TTC28: variants seen among roughly 807,000 people sequenced by gnomAD.
TTC28 encodes tetratricopeptide repeat domain 28.
In TTC28, 61 loss-of-function variants were observed where a neutral mutation model predicts 198.0. That is an observed-to-expected ratio of 0.31 (90% CI 0.25 to 0.38). The LOEUF (loss-of-function observed/expected upper bound fraction) is 0.38. TTC28 is among the 10% of genes least tolerant of loss of function. TTC28 has a pLI of 1.00. For missense variants in TTC28, 2,678 were observed against 3,164.0 expected, an observed-to-expected ratio of 0.85 and a Z score of 3.69; for synonymous variants, 1,171 against 1,297.8, an observed-to-expected ratio of 0.90 and a Z score of 2.10.
intron 2 of TTC28, among the ~76,000 whole-genome samples, chr22:28,378,985 C>T (rs959450887): frequency 6.6e-6 from 1 of 151,710 alleles, no homozygotes; most frequent in African/African-American, 2.4e-5. Context: ...TTTTTAAATA[C>T]ATTAATAAAG....
At chr22:28,305,879 C>T (rs2045134321) in intron 3 of TTC28, among the ~76,000 whole-genome samples, 1 of 152,144 alleles carries the variant, frequency 6.6e-6, no homozygotes, top group Non-Finnish European at 1.5e-5. Context: ...CATTTTCAAT[C>T]CATTCTTTTG....
chr22:28,347,591 G>A (rs745365249), intron 2 of TTC28, among the ~76,000 whole-genome samples: 1 of 152,212 alleles, frequency 6.6e-6, no homozygotes, highest in Non-Finnish European at 1.5e-5. Flanking sequence ...ATAGCACCTG[G>A]CTGAGTGCAG....
At chr22:28,329,857 A>G (rs1334911908) in intron 2 of TTC28, among the ~76,000 whole-genome samples, 2 of 152,200 alleles carry the variant, frequency 1.3e-5, no homozygotes, top group African/African-American at 4.8e-5. Context: ...TTTCTTGCCT[A>G]ACATTTCTTA....
chr22:28,257,062 A>G (rs992875764), intron 5 of TTC28, among the ~76,000 whole-genome samples: 1 of 152,176 alleles, frequency 6.6e-6, no homozygotes, highest in African/African-American at 2.4e-5. Context: ...AAGAAATAAA[A>G]TACAAGAAAA....
chr22:28,149,662 A>C (rs1943559493), intron 6 of TTC28, among the ~76,000 whole-genome samples: 1 of 152,212 alleles, frequency 6.6e-6, no homozygotes, highest in Admixed American at 6.5e-5. Flanking sequence ...GATGGTCTTC[A>C]GGGGCTATAA....
chr22:27,986,561 A>G (rs1363030083), intron 21 of TTC28, among the ~76,000 whole-genome samples: 1 of 152,118 alleles, frequency 6.6e-6, no homozygotes, highest in African/African-American at 2.4e-5. Context: ...TCCCCTGACA[A>G]CACTGCAAAG....
intron 12 of TTC28, among the ~76,000 whole-genome samples, chr22:28,069,332 GA>G (rs1252153875): frequency 1.3e-5 from 2 of 152,136 alleles, no homozygotes. Context: ...ATGTAAAACA[GA>G]GACTACAATC....
chr22:28,210,559 T>C (rs1926842817), intron 5 of TTC28, among the ~76,000 whole-genome samples: 1 of 151,758 alleles, frequency 6.6e-6, no homozygotes, highest in Non-Finnish European at 1.5e-5. Context: ...AGCAAATGAA[T>C]GAAATGAAGC....
intron 6 of TTC28, among the ~76,000 whole-genome samples, chr22:28,132,636 T>C (rs947116486): frequency 1.3e-5 from 2 of 152,206 alleles, no homozygotes; most frequent in Admixed American, 1.3e-4. Context: ...AACACGACTC[T>C]GACAATATCA....
At chr22:28,627,566 G>A (rs941703305) in intron 2 of TTC28, among the ~76,000 whole-genome samples, 36 of 151,568 alleles carry the variant, frequency 2.4e-4, no homozygotes, top group African/African-American at 8.7e-4. Context: ...CGAGTAGCTG[G>A]GATTACAGGT....
Position 27,981,810 on chromosome 22 carries a change from G to GTATT in TTC28, c.*407_*410dup, listed in dbSNP as rs58636149. 0.02 allele frequency: 3,191 copies of GTATT among 162,818 alleles called. 120 individuals are homozygous for GTATT. Among genetic ancestry groups the GTATT allele is most frequent in the African/African-American group, 0.071 (3,002 of 42,010 alleles). The allele number at this position is 162,818 out of a possible 1,614,324, so 10.1% of individuals were successfully genotyped here. A position where few individuals can be genotyped will look rare whatever the true frequency, so the allele number is the denominator to read the frequency against. On this transcript the variant is annotated 3_prime_UTR_variant, in exon 23 of 23. Coordinates refer to ENST00000397906, the MANE Select transcript of TTC28 (RefSeq NM_001145418.2). Reference sequence around the variant, plus strand: ...GAAAGCCTTAGAAAAAGCTCTATTTGTATTTCTGTGTATAAAAGGTACTGC... The same window carrying GTATT: ...GAAAGCCTTAGAAAAAGCTCTATTTGTATTTATTTCTGTGTATAAAAGGTACTGC...
At chr22:28,633,856 C>T (rs984926081) in intron 1 of TTC28, among the ~76,000 whole-genome samples, 1 of 152,070 alleles carries the variant, frequency 6.6e-6, no homozygotes, top group Admixed American at 6.6e-5. Context: ...TTATTTTGCA[C>T]ACTGTGAATC....
intron 14 of TTC28, among the ~76,000 whole-genome samples, chr22:28,002,947 G>A (rs146192009): frequency 3.3e-5 from 5 of 152,300 alleles, no homozygotes; most frequent in South Asian, 4.1e-4. Flanking sequence ...TTATACCAGT[G>A]TACTCCAGCC....
At position 28,014,311 on chromosome 22, in the gene TTC28, C is replaced by T. The variant is rs1938274651; in HGVS notation, c.4155G>A (p.Gln1385=). 3.9e-6 allele frequency: 6 copies of T among 1,551,682 alleles called. No homozygotes were observed. The highest frequency in any genetic ancestry group is 2.0e-5 in the Admixed American group (1 of 51,004). ...QDGTSSLPRR[Q]SSFAKPPLRA... is the part of the protein sequence containing the mutation. ...GGAGCGGGGGCTTGGCAAACGAGCT[C>T]TGCCTCCTGGGAAGAGAGGAGGTCC... Residue 1385 remains glutamine (Q), a synonymous_variant, in exon 14 of 23, where the codon CAG becomes CAA. Transcript: ENST00000397906.
chr22:28,605,299 G>A (rs536653790), intron 2 of TTC28, among the ~76,000 whole-genome samples: 1 of 152,084 alleles, frequency 6.6e-6, no homozygotes, highest in African/African-American at 2.4e-5. Flanking sequence ...TCTCCTCTTA[G>A]ATCAACAATA....
At chr22:28,597,587 C>G (rs1361559782) in intron 2 of TTC28, among the ~76,000 whole-genome samples, 1 of 152,174 alleles carries the variant, frequency 6.6e-6, no homozygotes, top group Non-Finnish European at 1.5e-5. Flanking sequence ...TAGAAATACA[C>G]TGTAATATGC....
At chr22:28,623,601 T>C (rs2051033977) in intron 2 of TTC28, among the ~76,000 whole-genome samples, 1 of 152,186 alleles carries the variant, frequency 6.6e-6, no homozygotes. Flanking sequence ...ACATGTTCTT[T>C]CCAAGTGTTC....
In TTC28 at chr22:28,001,533, G is replaced by T; in HGVS notation, c.4239C>A (p.Gly1413=). ...PMEGGLMHSS[G]PVGRHRQLIL... is the part of the protein sequence containing the mutation. The stretch of plus-strand genomic sequence containing the variant: ...TGAGCTGCCGGTGCCGGCCCACGGG[G>T]CCGCTGGAGTGCATCAGGCCCTATG... Residue 1413 remains glycine (G), a synonymous_variant, in exon 15 of 23, where the codon GGC becomes GGA. Transcript: ENST00000397906. 6.4e-7 allele frequency: 1 copy of T among 1,551,048 alleles called. No individual in the cohort carries two copies.
intron 6 of TTC28, among the ~76,000 whole-genome samples, chr22:28,121,414 A>C (rs1444299286): frequency 6.6e-6 from 1 of 152,188 alleles, no homozygotes; most frequent in East Asian, 1.9e-4. Context: ...TGCATATGTA[A>C]ATAAAGAAAC....
Sources: gnomAD v4.1 joint callset for allele counts (sites outside exome capture counted in the v4.1 genomes callset) on GRCh38, gnomAD v4.1.1 for gene constraint, MANE v1.5 for transcripts, NCBI Gene and HGNC (gene_info 2026-07-23, HGNC 2026-07-21) for gene names.